Variants in GPR107 observed in about 807,000 individuals in gnomAD.
GPR107 encodes the protein protein GPR107.
Under a neutral mutation model 75.5 loss-of-function variants are expected in GPR107, and 31 were observed. That is an observed-to-expected ratio of 0.41 (90% CI 0.31 to 0.55). GPR107 has a LOEUF of 0.55. Ranked by LOEUF, GPR107 falls within the 20% of genes least tolerant of loss-of-function variation. The pLI is 0.26. For missense variants in GPR107, 572 were observed against 665.7 expected, an observed-to-expected ratio of 0.86 and a Z score of 1.55; for synonymous variants, 267 against 251.3, an observed-to-expected ratio of 1.06 and a Z score of -0.59.
chr9:130,104,272 A>T (rs186786641), intron 12 of GPR107, 148 bp from the exon 13 acceptor site: 1 of 637,698 alleles, frequency 1.6e-6, no homozygotes, highest in Non-Finnish European at 2.8e-6. Flanking sequence ...GGAGTGGCAG[A>T]GTTCTGGAAG....
At chr9:130,083,681 T>C in intron 6 of GPR107, 79 bp downstream of exon 6, 1 of 756,388 alleles carries the variant, frequency 1.3e-6, no homozygotes, top group South Asian at 3.0e-5. Context: ...TGTGTGTGTG[T>C]GTATTGATAT....
intron 14 of GPR107, among the ~76,000 whole-genome samples, chr9:130,121,181 T>TCAAAACAAAACAAAACAAAA (rs77505902): frequency 3.6e-4 from 51 of 140,880 alleles, no homozygotes; most frequent in Admixed American, 4.9e-4. Context: ...AGACCCTATC[T>TCAAAACAAAACAAAACAAAA]CAAAACAAAA....
chr9:130,118,679 C>A (rs2132638412), intron 14 of GPR107, among the ~76,000 whole-genome samples: 1 of 152,066 alleles, frequency 6.6e-6, no homozygotes, highest in Admixed American at 6.5e-5. Context: ...CCTTTTCTCT[C>A]CCCTGCAGAG....
intron 9 of GPR107, among the ~76,000 whole-genome samples, chr9:130,094,125 C>T (rs1830806125): frequency 6.6e-6 from 1 of 151,998 alleles, no homozygotes; most frequent in African/African-American, 2.4e-5. Context: ...CAGCAAGACT[C>T]CATTTCTACA....
At chr9:130,067,354 C>A (rs944397472) in intron 1 of GPR107, among the ~76,000 whole-genome samples, 2 of 152,156 alleles carry the variant, frequency 1.3e-5, no homozygotes, top group African/African-American at 2.4e-5. Flanking sequence ...TTATTCGACT[C>A]CTCGTAGCAG....
At chr9:130,108,596 C>G (rs531009979) in intron 14 of GPR107, among the ~76,000 whole-genome samples, 5 of 152,314 alleles carry the variant, frequency 3.3e-5, no homozygotes, top group Non-Finnish European at 7.3e-5. Context: ...TCACGTAACT[C>G]TTGCTCCTAG....
chr9:130,126,902 C>T (rs1158772790), intron 15 of GPR107, among the ~76,000 whole-genome samples: 1 of 152,178 alleles, frequency 6.6e-6, no homozygotes, highest in African/African-American at 2.4e-5. Context: ...GACCAGCAGG[C>T]CAGCTGAGCT....
At chr9:130,091,499 G>A (rs1726127278) in intron 8 of GPR107, among the ~76,000 whole-genome samples, 2 of 150,278 alleles carry the variant, frequency 1.3e-5, no homozygotes, top group African/African-American at 4.9e-5. Context: ...AAAAAAAAGT[G>A]GTTGTGTGGT....
chr9:130,100,044 G>A (rs1389354135), intron 10 of GPR107, among the ~76,000 whole-genome samples: 2 of 151,498 alleles, frequency 1.3e-5, no homozygotes, highest in Admixed American at 6.6e-5. Flanking sequence ...ACAGGCGCCC[G>A]CCACCACGCC....
intron 5 of GPR107, among the ~76,000 whole-genome samples, chr9:130,080,727 G>A (rs1283582164): frequency 2.6e-5 from 4 of 151,214 alleles, no homozygotes; most frequent in Non-Finnish European, 5.9e-5. Context: ...TCCCGACCTC[G>A]TGATCCGCCC....
chr9:130,121,739 GCC>G (rs1831553499), intron 14 of GPR107, among the ~76,000 whole-genome samples: 1 of 152,166 alleles, frequency 6.6e-6, no homozygotes, highest in Non-Finnish European at 1.5e-5. Context: ...TGGCTTGGGA[GCC>G]CATGCTTACC....
Position 130,090,566 on chromosome 9 carries a change from A to G in GPR107, c.622-310A>G, listed in dbSNP as rs937989909. Among the ~76,000 whole-genome samples, 4 of 152,196 alleles carry G rather than the reference A, an allele frequency of 2.6e-5. No homozygotes were observed. In the East Asian group the frequency reaches 5.8e-4, roughly 22 times the overall value. On this transcript the variant is annotated intron_variant, in intron 7 of 17. Transcript: ENST00000347136. ...TCACTGTAGAAGTGAGGTTGTGGCT[A>G]TGTATCTTTCACTATACAATTGTCA...
At chr9:130,091,673 CGCCTTTCACAAT>C (rs1246674811) in intron 8 of GPR107, among the ~76,000 whole-genome samples, 1 of 150,732 alleles carries the variant, frequency 6.6e-6, no homozygotes, top group Non-Finnish European at 1.5e-5. Context: ...GGATTACAGG[CGCCTTTCACAAT>C]GCCTGGCTAA....
Position 130,112,190 on chromosome 9 carries a change from C to T in GPR107, c.1306+4651C>T, listed in dbSNP as rs894527281. 1.3e-5 allele frequency among the ~76,000 whole-genome samples: 2 copies of T among 152,202 alleles called. No individual in the cohort carries two copies. Among genetic ancestry groups the T allele is most frequent in the African/African-American group, 4.8e-5 (2 of 41,452 alleles). On this transcript the variant is annotated intron_variant, in intron 14 of 17. Transcript: ENST00000347136. This position sits in a 1 kb window ranked among gnomAD's most constrained non-coding sequence, Gnocchi z 4.0. The stretch of plus-strand genomic sequence containing the variant: ...GAAGATGTATTCTGAAGAGCCTTAG[C>T]TTTCATGTGAGCTTCAGAAGTATTT...
At chr9:130,058,475 T>A (rs929660449) in intron 1 of GPR107, among the ~76,000 whole-genome samples, 1 of 152,222 alleles carries the variant, frequency 6.6e-6, no homozygotes, top group South Asian at 2.1e-4. Context: ...TTTTTCTTTT[T>A]TTTTTTTTAG....
chr9:130,055,566 T>A (rs77974594), intron 1 of GPR107, among the ~76,000 whole-genome samples: 7,561 of 151,048 alleles, frequency 0.05, 203 homozygotes, highest in South Asian at 0.091. Context: ...GTAGAAAGTT[T>A]GTCTTGTAAA....
chr9:130,091,351 G>A (rs367568910), intron 8 of GPR107, among the ~76,000 whole-genome samples: 2 of 152,004 alleles, frequency 1.3e-5, no homozygotes, highest in African/African-American at 2.4e-5. Context: ...TTAGCCAGGC[G>A]TGGTGGTACA....
chr9:130,070,111 C>A (rs1830169350), intron 1 of GPR107, among the ~76,000 whole-genome samples: 1 of 149,844 alleles, frequency 6.7e-6, no homozygotes, highest in African/African-American at 2.5e-5. Flanking sequence ...GTCCTCCCAC[C>A]TCAGCCTCTT....
Position 130,083,554 on chromosome 9 carries a change from C to A in GPR107, c.527-11C>A. On this transcript the variant is annotated splice_polypyrimidine_tract_variant and intron_variant, in intron 5 of 17. Coordinates refer to ENST00000347136, the MANE Select transcript of GPR107 (RefSeq NM_020960.5). Reference sequence around the variant, plus strand: ...CATGCAGCACTCTCTTTTAAATGTTCTTGCTTCTAGATGGTGGAAAGTCTA... The same window carrying A: ...CATGCAGCACTCTCTTTTAAATGTTATTGCTTCTAGATGGTGGAAAGTCTA... 2 of 1,507,778 alleles carry A rather than the reference C, an allele frequency of 1.3e-6. No homozygotes were observed. The highest frequency in any genetic ancestry group is 1.8e-6 in the Non-Finnish European group (2 of 1,133,082). 93.4% of individuals were successfully genotyped at this position (1,507,778 alleles called of 1,614,324 possible). A position where few individuals can be genotyped will look rare whatever the true frequency, so the allele number is the denominator to read the frequency against.
Sources: allele counts gnomAD v4.1 joint callset (sites outside exome capture counted in the v4.1 genomes callset), GRCh38; gene constraint gnomAD v4.1.1; non-coding constraint Gnocchi (gnomAD v3.1); transcripts MANE v1.5; gene names NCBI Gene and HGNC (gene_info 2026-07-23, HGNC 2026-07-21).